ZNF532: variants seen among roughly 807,000 people sequenced by gnomAD.
ZNF532 encodes zinc finger protein 532.
A neutral mutation model predicts 89.3 loss-of-function variants in ZNF532; 22 were observed. The ratio of observed to expected loss-of-function variants is 0.25; its 90% CI spans 0.18 to 0.35. The LOEUF (loss-of-function observed/expected upper bound fraction) is 0.35. Among genes scored for constraint, ZNF532 ranks in the 10% least tolerant of loss-of-function variants. The probability of loss-of-function intolerance (pLI) is 1.00; values close to 1 mark genes in which losing one functional copy is unlikely to be tolerated. For synonymous variants in ZNF532, 606 were observed against 649.6 expected (o/e 0.93, Z 1.02); for missense variants, 1,132 against 1,643.4 (o/e 0.69, Z 5.38).
At chr18:58,896,967 T>C (rs752307840) in intron 2 of ZNF532, among the ~76,000 whole-genome samples, 2 of 152,216 alleles carry the variant, frequency 1.3e-5, no homozygotes. Context: ...CATGAAAGGC[T>C]GTATGGACTG....
At chr18:58,978,756 CATA>C (rs2067350855) in intron 7 of ZNF532, among the ~76,000 whole-genome samples, 1 of 152,186 alleles carries the variant, frequency 6.6e-6, no homozygotes, top group African/African-American at 2.4e-5. Context: ...TTCAAATATA[CATA>C]ATATCTTGGG....
At chr18:58,880,672 A>G (rs1423512542) in intron 2 of ZNF532, among the ~76,000 whole-genome samples, 5 of 152,164 alleles carry the variant, frequency 3.3e-5, no homozygotes, top group Admixed American at 2.6e-4. Context: ...AAATTTGGCC[A>G]AATGACTGGT....
intron 3 of ZNF532, 73 bp from the exon 4 acceptor site, chr18:58,934,359 GT>G: frequency 7.2e-7 from 1 of 1,385,794 alleles, no homozygotes; most frequent in South Asian, 1.3e-5. Context: ...TTATCTGGAG[GT>G]TTAACCAAGG....
chr18:58,921,956 CATT>C lies in ZNF532; in HGVS notation c.2346+1325_2346+1327del, dbSNP rs1261144233. Among the ~76,000 whole-genome samples the C allele has an allele frequency of 2.0e-5, 3 of 152,078 alleles. No homozygotes were observed. The East Asian group carries it at 5.8e-4, about 29-fold the overall frequency. On this transcript the variant is annotated intron_variant, in intron 3 of 9. Coordinates refer to ENST00000591808, the MANE Select transcript of ZNF532 (RefSeq NM_001375912.1). Reference sequence around the variant, plus strand: ...CCTCATCTCTAACAAAAATACCAAACATTAGCCGGGCTTGGTGGTGCATGCTGT... The same window carrying C: ...CCTCATCTCTAACAAAAATACCAAACAGCCGGGCTTGGTGGTGCATGCTGT...
intron 3 of ZNF532, among the ~76,000 whole-genome samples, chr18:58,928,777 T>C (rs1248602935): frequency 2.0e-5 from 3 of 152,228 alleles, no homozygotes; most frequent in Non-Finnish European, 4.4e-5. Context: ...ATCTATCTGC[T>C]TAATAATCTC....
chr18:58,863,910 A>G (rs1037071283), upstream of ZNF532, among the ~76,000 whole-genome samples: 10 of 151,758 alleles, frequency 6.6e-5, no homozygotes, highest in Non-Finnish European at 1.5e-4. Context: ...CGTGAGGCTC[A>G]GGCCCCTGGG....
chr18:58,934,993 A>G (rs1271684584), intron 4 of ZNF532, among the ~76,000 whole-genome samples: 1 of 152,060 alleles, frequency 6.6e-6, no homozygotes, highest in Non-Finnish European at 1.5e-5. Context: ...TTCTCTAATG[A>G]AAACAGAAAT....
intron 6 of ZNF532, among the ~76,000 whole-genome samples, chr18:58,949,946 A>G (rs2064004638): frequency 6.6e-6 from 1 of 152,234 alleles, no homozygotes; most frequent in African/African-American, 2.4e-5. Flanking sequence ...TCTCATTTGA[A>G]GTACAGTAAA....
At chr18:58,948,361 A>T in intron 6 of ZNF532, 132 bp downstream of exon 6, 1 of 850,546 alleles carries the variant, frequency 1.2e-6, no homozygotes, top group African/African-American at 1.7e-5. Context: ...GGTCGTTGTC[A>T]GTGAGCAACT....
At chr18:58,920,758 G>T (rs2060992762) in intron 3 of ZNF532, 125 bp downstream of exon 3, 3 of 622,682 alleles carry the variant, frequency 4.8e-6, no homozygotes, top group Non-Finnish European at 8.1e-6. Flanking sequence ...GTGTGTGTGT[G>T]TGTGTGTGTG....
intron 2 of ZNF532, among the ~76,000 whole-genome samples, chr18:58,906,215 GGC>G (rs2059928737): frequency 3.3e-5 from 5 of 152,104 alleles, no homozygotes; most frequent in African/African-American, 1.2e-4. Flanking sequence ...ATAAGGGTGG[GGC>G]ATCTACATAA....
chr18:58,959,742 C>T (rs2065167907), intron 7 of ZNF532, among the ~76,000 whole-genome samples: 1 of 152,122 alleles, frequency 6.6e-6, no homozygotes, highest in African/African-American at 2.4e-5. Context: ...TATTTACCAC[C>T]TAAGAGTCTT....
intron 3 of ZNF532, among the ~76,000 whole-genome samples, 154 bp downstream of exon 3, chr18:58,920,787 TGTGTTTGG>T (rs996762322): frequency 1.5e-4 from 10 of 66,982 alleles, no homozygotes; most frequent in African/African-American, 6.1e-4. Context: ...TGTGTGTGTG[TGTGTTTGG>T]GGAGGGGAGG....
At chr18:58,948,027 A>G (rs1331526322) in intron 5 of ZNF532, 40 bp from the exon 6 acceptor site, 7 of 1,566,220 alleles carry the variant, frequency 4.5e-6, no homozygotes, top group Non-Finnish European at 6.1e-6. Flanking sequence ...TGACTTAAAG[A>G]GGCTGACTGA....
intron 2 of ZNF532, among the ~76,000 whole-genome samples, chr18:58,905,403 CT>C (rs11376624): frequency 1.9e-3 from 269 of 139,224 alleles, no homozygotes; most frequent in Middle Eastern, 3.6e-3. Flanking sequence ...TTTTTTCTTT[CT>C]TTTTTTTTTT....
intron 5 of ZNF532, among the ~76,000 whole-genome samples, chr18:58,945,509 C>G (rs187827180): frequency 6.6e-6 from 1 of 152,262 alleles, no homozygotes; most frequent in Admixed American, 6.5e-5. Context: ...AGAATGATAG[C>G]TACGTAAATA....
At chr18:58,912,346 A>G (rs924681870) in intron 2 of ZNF532, among the ~76,000 whole-genome samples, 23 of 152,226 alleles carry the variant, frequency 1.5e-4, no homozygotes, top group African/African-American at 5.5e-4. Flanking sequence ...AGTAGCAACT[A>G]TATTTGCTAA....
At position 58,870,908 on chromosome 18, in the gene ZNF532, T is replaced by C. The variant is rs141586365; in HGVS notation, c.-18+5329T>C. Among the ~76,000 whole-genome samples the C allele has an allele frequency of 2.0e-3, 297 of 152,126 alleles. 1 individual carries two copies. The highest frequency in any genetic ancestry group is 1.2e-3 in the Non-Finnish European group (80 of 67,994). ...GGTGGAGGGACTTGATACAGTGAGT[T>C]CAGTTTTGGGCTCCAATTGCCTCTG... On this transcript the variant is annotated intron_variant, in intron 2 of 9. Transcript: ENST00000591808.
intron 7 of ZNF532, among the ~76,000 whole-genome samples, chr18:58,966,738 G>GTTTTTT (rs540133909): frequency 2.9e-4 from 37 of 125,978 alleles, no homozygotes; most frequent in East Asian, 1.4e-3. Flanking sequence ...ATTTTTTTGT[G>GTTTTTT]TTTTTTTTTT....
Sources: allele counts gnomAD v4.1 joint callset (sites outside exome capture counted in the v4.1 genomes callset), GRCh38; gene constraint gnomAD v4.1.1; transcripts MANE v1.5; gene names NCBI Gene and HGNC (gene_info 2026-07-23, HGNC 2026-07-21).